ZNF385B: variants seen among roughly 807,000 people sequenced by gnomAD.
ZNF385B encodes the protein zinc finger protein 533.
A neutral mutation model predicts 39.2 loss-of-function variants in ZNF385B; 23 were observed. The observed-to-expected ratio is 0.59, with a 90% confidence interval of 0.42 to 0.83. The LOEUF (loss-of-function observed/expected upper bound fraction) is 0.83, where lower values mean the gene tolerates loss of function less well. Among genes scored for constraint, ZNF385B ranks in the 40% least tolerant of loss-of-function variants. ZNF385B has a pLI of 0.00. For synonymous variants in ZNF385B, 205 were observed against 222.6 expected, an observed-to-expected ratio of 0.92 and a Z score of 0.70; for missense variants, 552 against 598.9, an observed-to-expected ratio of 0.92 and a Z score of 0.82.
chr2:179,647,092 A>G (rs1347728971), intron 3 of ZNF385B, among the ~76,000 whole-genome samples: 2 of 152,156 alleles, frequency 1.3e-5, no homozygotes, highest in African/African-American at 4.8e-5. Context: ...TGTATTATCT[A>G]TATGTGAATA....
intron 1 of ZNF385B, among the ~76,000 whole-genome samples, chr2:179,851,071 T>C (rs1167115317): frequency 6.6e-6 from 1 of 152,244 alleles, no homozygotes; most frequent in Admixed American, 6.5e-5. Flanking sequence ...GTTGGTTTTA[T>C]CATTTTCTGA....
intron 1 of ZNF385B, among the ~76,000 whole-genome samples, chr2:179,792,567 G>A (rs1436236644): frequency 1.4e-5 from 2 of 144,958 alleles, no homozygotes; most frequent in Non-Finnish European, 3.1e-5. Context: ...TAGAGACAGA[G>A]TTTCACCATG....
rs140740839 is a variant in ZNF385B at position 179,543,581 on chromosome 2, G to A, written c.441+1246C>T. Among the ~76,000 whole-genome samples, 750 of 152,232 alleles carry A rather than the reference G, an allele frequency of 4.9e-3. 5 individuals carry two copies. The highest frequency in any genetic ancestry group is 0.017 in the African/African-American group (714 of 41,528). On this transcript the variant is annotated intron_variant, in intron 4 of 9. Coordinates refer to ENST00000410066, the MANE Select transcript of ZNF385B (RefSeq NM_152520.6). ...GTAATGTGGTGTTCTGGGATGCAGC[G>A]GGTGGATCAATGAAACCAAGGCAGG...
At position 179,443,429 on chromosome 2, in the gene ZNF385B, C is replaced by A; in HGVS notation, c.1282G>T (p.Ala428Ser). ...AFQKDMMKPL[A>S]PAFLSSPLAA... Reference sequence around the variant, plus strand: ...AGAGGTGAGGACAGGAAGGCTGGGGCCAAAGGCTTCATCATATCTTTCTGG... The same window carrying A: ...AGAGGTGAGGACAGGAAGGCTGGGGACAAAGGCTTCATCATATCTTTCTGG... The change falls in exon 10 of 10, where the codon GCC (alanine) becomes TCC (serine). Residue 428 changes from alanine (A) to serine (S), a missense_variant. By Grantham distance (99) the Ala-to-Ser change is moderately conservative. Transcript: ENST00000410066. The A allele has an allele frequency of 6.2e-7, 1 of 1,608,810 alleles. No homozygotes were observed.
At chr2:179,530,099 A>G (rs1033462615) in intron 4 of ZNF385B, among the ~76,000 whole-genome samples, 3 of 152,198 alleles carry the variant, frequency 2.0e-5, no homozygotes, top group Admixed American at 6.5e-5. Flanking sequence ...ATCCATCCCA[A>G]AGTTTGAAAG....
At chr2:179,450,128 A>G (rs1458420102) in intron 6 of ZNF385B, among the ~76,000 whole-genome samples, 4 of 151,486 alleles carry the variant, frequency 2.6e-5, no homozygotes, top group Non-Finnish European at 5.9e-5. Context: ...CTTAAATGTT[A>G]GACCTAAAAC....
At chr2:179,511,975 T>C (rs374301033) in intron 5 of ZNF385B, among the ~76,000 whole-genome samples, 106 of 152,264 alleles carry the variant, frequency 7.0e-4, no homozygotes, top group African/African-American at 2.3e-3. Flanking sequence ...TATTCAAAGA[T>C]AATAATGTAA....
At position 179,511,292 on chromosome 2, in the gene ZNF385B, G is replaced by A. The variant is rs187782607; in HGVS notation, c.552+7236C>T. Among the ~76,000 whole-genome samples the A allele has an allele frequency of 1.3e-3, 202 of 152,268 alleles. 1 individual carries two copies. The highest frequency in any genetic ancestry group is 4.5e-3 in the African/African-American group (188 of 41,548). ...CTGCTGGGTGACAGAGAATGCCAGC[G>A]CCTCTAGCAGAGACAGCACTAAGGC... On this transcript the variant is annotated intron_variant, in intron 5 of 9. Transcript: ENST00000410066.
chr2:179,546,581 T>C (rs2060247007), intron 3 of ZNF385B, among the ~76,000 whole-genome samples: 1 of 152,216 alleles, frequency 6.6e-6, no homozygotes. Context: ...TGAATAGTAC[T>C]CTACTGTATA....
intron 1 of ZNF385B, among the ~76,000 whole-genome samples, chr2:179,778,794 T>G (rs1704495695): frequency 6.6e-6 from 1 of 152,204 alleles, no homozygotes; most frequent in Admixed American, 6.5e-5. Context: ...TAAAAAAGAT[T>G]GGAGAAAAAT....
intron 3 of ZNF385B, among the ~76,000 whole-genome samples, chr2:179,700,511 C>G (rs1300312703): frequency 3.3e-5 from 5 of 152,152 alleles, no homozygotes; most frequent in Non-Finnish European, 5.9e-5. Context: ...TTAATGTCAT[C>G]TTTTGATCTT....
At chr2:179,851,188 C>A (rs971009767) in intron 1 of ZNF385B, among the ~76,000 whole-genome samples, 2 of 152,242 alleles carry the variant, frequency 1.3e-5, no homozygotes, top group African/African-American at 4.8e-5. Context: ...CAGTGGCTCA[C>A]GCCTGTAACC....
intron 3 of ZNF385B, among the ~76,000 whole-genome samples, chr2:179,626,249 G>A (rs1192510727): frequency 6.6e-6 from 1 of 152,010 alleles, no homozygotes; most frequent in African/African-American, 2.4e-5. Flanking sequence ...CTGAATTTAT[G>A]ATAAATAGTA....
At chr2:179,657,833 T>C (rs1693973744) in intron 3 of ZNF385B, among the ~76,000 whole-genome samples, 1 of 152,226 alleles carries the variant, frequency 6.6e-6, no homozygotes, top group African/African-American at 2.4e-5. Context: ...TTAATATTGG[T>C]ATCCTTATTT....
chr2:179,726,069 T>C (rs1360921017), intron 3 of ZNF385B, among the ~76,000 whole-genome samples: 1 of 151,992 alleles, frequency 6.6e-6, no homozygotes, highest in Non-Finnish European at 1.5e-5. Context: ...TGGTAGCTCC[T>C]ACTTTTGCAT....
chr2:179,718,043 A>ATGTT (rs1279194493), intron 3 of ZNF385B, among the ~76,000 whole-genome samples: 1 of 152,116 alleles, frequency 6.6e-6, no homozygotes. Context: ...AGGTAGCCTA[A>ATGTT]TGTTTATGCT....
chr2:179,592,283 G>T (rs11689513), intron 3 of ZNF385B, among the ~76,000 whole-genome samples: 26,655 of 150,312 alleles, frequency 0.18, 2,925 homozygotes, highest in South Asian at 0.28. Flanking sequence ...AGTCTATTTG[G>T]AAAAAAAAAC....
intron 3 of ZNF385B, among the ~76,000 whole-genome samples, chr2:179,698,518 C>G (rs935565870): frequency 1.3e-5 from 2 of 152,130 alleles, no homozygotes; most frequent in African/African-American, 4.8e-5. Context: ...ATCAAATATC[C>G]ATTTTTAAAT....
Position 179,733,782 on chromosome 2 carries a change from C to CAAA in ZNF385B, c.298+35718_298+35720dup, listed in dbSNP as rs11400555. ...TGAGTGACAGAGCGAGACTCCGTCT[C>CAAA]AAAAAAAAAAAAAAAAAAAAGTACA... is the stretch of plus-strand genomic sequence containing the variant. On this transcript the variant is annotated intron_variant, in intron 3 of 9. Coordinates refer to ENST00000410066, the MANE Select transcript of ZNF385B (RefSeq NM_152520.6). 2.4e-4 allele frequency among the ~76,000 whole-genome samples: 25 copies of CAAA among 103,372 alleles called. 1 individual carries two copies. The highest frequency in any genetic ancestry group is 6.3e-4 in the African/African-American group (17 of 26,894). The allele number at this position is 103,372 out of a possible 152,430, so 67.8% of individuals were successfully genotyped here. A position where few individuals can be genotyped will look rare whatever the true frequency, so the allele number is the denominator to read the frequency against.
Sources: gnomAD v4.1 joint callset for allele counts (sites outside exome capture counted in the v4.1 genomes callset) on GRCh38, gnomAD v4.1.1 for gene constraint, MANE v1.5 for transcripts, NCBI Gene and HGNC (gene_info 2026-07-23, HGNC 2026-07-21) for gene names.